RASGRF1: variants seen among roughly 807,000 people sequenced by gnomAD.
RASGRF1 encodes the protein ras-specific guanine nucleotide-releasing factor 1.
In RASGRF1, 40 loss-of-function variants were observed where a neutral mutation model predicts 138.7. The ratio of observed to expected loss-of-function variants is 0.29; its 90% CI spans 0.22 to 0.38. The LOEUF is 0.38. Ranked by LOEUF, RASGRF1 falls within the 10% of genes least tolerant of loss-of-function variation. The probability of loss-of-function intolerance (pLI) is 1.00; values close to 1 mark genes in which losing one functional copy is unlikely to be tolerated. For missense variants in RASGRF1, 1,108 were observed against 1,650.4 expected (o/e 0.67, Z 5.69); for synonymous variants, 614 against 663.2 (o/e 0.93, Z 1.14).
Position 79,032,216 on chromosome 15 carries a change from G to T in RASGRF1, c.1059C>A (p.Asn353Lys), listed in dbSNP as rs752146233. 5 of 1,614,078 alleles carry T rather than the reference G, an allele frequency of 3.1e-6. No individual in the cohort carries two copies. The Admixed American group carries it at 5.0e-5, about 16-fold the overall frequency. The change falls in exon 7 of 27, where the codon AAC becomes AAA. Residue 353 changes from asparagine (N) to lysine (K), a missense_variant. Coordinates refer to ENST00000558480, the MANE Select transcript of RASGRF1 (RefSeq NM_001145648.3). This position sits in a 1 kb window ranked among gnomAD's most constrained non-coding sequence, Gnocchi z 4.5. The stretch of plus-strand genomic sequence containing the variant: ...GCTTCAGCAGCTTGTCGAAGTCACG[G>T]TTCTGCTTGCAGTGGGCCAGGATCT... The part of the protein sequence containing the change: ...SLQILAHCKQ[N>K]RDFDKLLKHY...
intron 17 of RASGRF1, 111 bp from the exon 18 acceptor site, chr15:78,998,936 G>T: frequency 1.3e-6 from 1 of 777,460 alleles, no homozygotes. Context: ...TGAGTGAGGG[G>T]GTCATGGGCA....
chr15:79,003,926 G>C lies in RASGRF1; in HGVS notation c.2325C>G (p.Pro775=), dbSNP rs745830465. 1.2e-6 allele frequency: 2 copies of C among 1,614,222 alleles called. No homozygotes were observed. Among genetic ancestry groups the C allele is most frequent in the Non-Finnish European group, 1.7e-6 (2 of 1,180,026 alleles). The part of the protein sequence containing the change: ...GYTSMYSAMS[P]FSKATLDTSK... ...TGGTGTCCAGCGTGGCCTTGCTGAAGGGTGACATGGCCGAGTACATGCTGG... is the reference window on the plus strand; with the variant it reads ...TGGTGTCCAGCGTGGCCTTGCTGAACGGTGACATGGCCGAGTACATGCTGG... The change falls in exon 15 of 27, where the codon CCC becomes CCG. Residue 775 remains proline (P), a synonymous_variant. Coordinates refer to ENST00000558480, the MANE Select transcript of RASGRF1 (RefSeq NM_001145648.3).
chr15:79,034,435 A>T (rs1398893878), intron 6 of RASGRF1, among the ~76,000 whole-genome samples: 1 of 152,244 alleles, frequency 6.6e-6, no homozygotes, highest in Non-Finnish European at 1.5e-5. Context: ...ACATGTTTGG[A>T]TTCTTTGTTT....
chr15:79,070,425 C>T (rs2057739881), intron 1 of RASGRF1, among the ~76,000 whole-genome samples: 1 of 152,168 alleles, frequency 6.6e-6, no homozygotes. Context: ...ATTTGGGAAA[C>T]TTGATTTCCT....
At chr15:78,979,897 C>T (rs1314483994) in intron 24 of RASGRF1, among the ~76,000 whole-genome samples, 2 of 152,308 alleles carry the variant, frequency 1.3e-5, no homozygotes, top group East Asian at 1.9e-4. Flanking sequence ...GGATTTTGCC[C>T]CCTAGTGGAC....
chr15:79,058,320 CA>C lies in RASGRF1; in HGVS notation c.531+13del. On this transcript the variant is annotated intron_variant, in intron 3 of 26. Coordinates refer to ENST00000558480, the MANE Select transcript of RASGRF1 (RefSeq NM_001145648.3). Reference sequence around the variant, plus strand: ...GTGCCTAGGGCCTGGGCCCACCCCCCAGCCCGCAGTCACCTCTGCCTTCAGC... The same window carrying C: ...GTGCCTAGGGCCTGGGCCCACCCCCCGCCCGCAGTCACCTCTGCCTTCAGC... The C allele has an allele frequency of 6.2e-7, 1 of 1,610,696 alleles. No individual in the cohort carries two copies. Among genetic ancestry groups the C allele is most frequent in the Non-Finnish European group, 8.5e-7 (1 of 1,179,314 alleles).
At chr15:79,066,465 T>G (rs1014172540) in intron 1 of RASGRF1, among the ~76,000 whole-genome samples, 6 of 152,214 alleles carry the variant, frequency 3.9e-5, no homozygotes, top group Non-Finnish European at 8.8e-5. Context: ...CTCAGCTACA[T>G]ACAGGCACAG....
intron 26 of RASGRF1, among the ~76,000 whole-genome samples, chr15:78,967,602 A>G (rs886502176): frequency 6.6e-6 from 1 of 152,214 alleles, no homozygotes; most frequent in East Asian, 1.9e-4. Context: ...GTGACCCTGT[A>G]GGATACTTAA....
intron 1 of RASGRF1, among the ~76,000 whole-genome samples, chr15:79,077,924 G>A (rs1397950541): frequency 1.3e-5 from 2 of 151,700 alleles, no homozygotes; most frequent in African/African-American, 4.9e-5. Flanking sequence ...GGGTGGGCTC[G>A]GGGATAGATG....
At chr15:79,002,003 C>T (rs149043601) in intron 15 of RASGRF1, among the ~76,000 whole-genome samples, 41 of 152,298 alleles carry the variant, frequency 2.7e-4, no homozygotes, top group African/African-American at 9.1e-4. Flanking sequence ...GTGGCTTTTG[C>T]TCCACCAGGG....
intron 19 of RASGRF1, among the ~76,000 whole-genome samples, chr15:78,997,211 G>A (rs2056413335): frequency 6.6e-6 from 1 of 152,198 alleles, no homozygotes; most frequent in South Asian, 2.1e-4. Context: ...ACAAGCATGG[G>A]TTTGGGGATA....
chr15:79,035,118 G>T lies in RASGRF1; in HGVS notation c.958+13C>A. ...GACTTCTCTGGGGGCCGCAGTGAGG[G>T]CTGACTACTCACCCAGGACCAGCGT... On this transcript the variant is annotated intron_variant, in intron 6 of 26. Transcript: ENST00000558480. The T allele has an allele frequency of 6.2e-7, 1 of 1,607,040 alleles. No individual in the cohort carries two copies. Among genetic ancestry groups the T allele is most frequent in the Non-Finnish European group, 8.5e-7 (1 of 1,174,480 alleles).
At chr15:79,057,440 G>A (rs1236069530) in intron 3 of RASGRF1, among the ~76,000 whole-genome samples, 2 of 152,226 alleles carry the variant, frequency 1.3e-5, no homozygotes, top group Non-Finnish European at 2.9e-5. Context: ...CCTCACATCA[G>A]ACCCTGCAAA....
At chr15:79,052,451 G>T (rs1004216623) in intron 3 of RASGRF1, among the ~76,000 whole-genome samples, 3 of 152,112 alleles carry the variant, frequency 2.0e-5, no homozygotes, top group African/African-American at 7.2e-5. Flanking sequence ...AAGCCCAACA[G>T]GTGCCCCCCA....
intron 26 of RASGRF1, 25 bp downstream of exon 26, chr15:78,971,841 G>C: frequency 6.5e-7 from 1 of 1,544,592 alleles, no homozygotes; most frequent in South Asian, 1.1e-5. Flanking sequence ...AAGCATGCAA[G>C]TGACCAGGAA....
intron 17 of RASGRF1, 102 bp downstream of exon 17, chr15:78,999,641 A>C: frequency 7.0e-7 from 1 of 1,426,316 alleles, no homozygotes; most frequent in Admixed American, 1.9e-5. Flanking sequence ...AGCACACCTT[A>C]AACACCCACA....
At chr15:79,060,373 C>T (rs536016955) in intron 2 of RASGRF1, among the ~76,000 whole-genome samples, 36 of 152,354 alleles carry the variant, frequency 2.4e-4, no homozygotes, top group African/African-American at 6.5e-4. Flanking sequence ...CCCATTGACA[C>T]GTGCTGCTGG....
intron 3 of RASGRF1, among the ~76,000 whole-genome samples, chr15:79,055,124 G>C (rs998031): frequency 0.09 from 13,694 of 152,234 alleles, 805 homozygotes; most frequent in Non-Finnish European, 0.14. Flanking sequence ...GTGGAGGCGA[G>C]AGACTTTGGG....
At chr15:78,987,647 G>T (rs563844055) in intron 22 of RASGRF1, among the ~76,000 whole-genome samples, 4 of 152,242 alleles carry the variant, frequency 2.6e-5, no homozygotes, top group Admixed American at 2.6e-4. Context: ...AGTGAGCTGA[G>T]ATTGTACTAC....
Sources: gnomAD v4.1 joint callset for allele counts (sites outside exome capture counted in the v4.1 genomes callset) on GRCh38, gnomAD v4.1.1 for gene constraint, Gnocchi (gnomAD v3.1) non-coding constraint, MANE v1.5 for transcripts, NCBI Gene and HGNC (gene_info 2026-07-23, HGNC 2026-07-21) for gene names.